Variants in GALNT13 observed in about 807,000 individuals in gnomAD.
The protein encoded by GALNT13 is polypeptide N-acetylgalactosaminyltransferase 13.
In GALNT13, 28 loss-of-function variants were observed where a neutral mutation model predicts 64.2. That is an observed-to-expected ratio of 0.44 (90% confidence interval 0.32 to 0.60). The LOEUF is 0.60. Among genes scored for constraint, GALNT13 ranks in the 20% least tolerant of loss-of-function variants. The pLI, the probability that GALNT13 is intolerant of heterozygous loss-of-function variation, is 0.05. For synonymous variants in GALNT13, 214 were observed against 224.6 expected (o/e 0.95, Z 0.42); for missense variants, 577 against 669.8 (o/e 0.86, Z 1.53).
At chr2:153,166,289 G>A in the GALNT13 span, among the ~76,000 whole-genome samples, 1 of 152,126 alleles carries the variant, frequency 6.6e-6, no homozygotes, top group Non-Finnish European at 1.5e-5. Flanking sequence ...CCACCTCCAC[G>A]ATTATGTTAT....
chr2:153,970,098 A>G (rs1028644892), intron 3 of GALNT13, among the ~76,000 whole-genome samples: 3 of 152,210 alleles, frequency 2.0e-5, no homozygotes, highest in Admixed American at 1.3e-4. Flanking sequence ...AAACATCGCT[A>G]TGGAGAAGTT....
intron 4 of GALNT13, among the ~76,000 whole-genome samples, chr2:154,232,296 A>G (rs1331499702): frequency 6.6e-6 from 1 of 152,084 alleles, no homozygotes; most frequent in Non-Finnish European, 1.5e-5. Context: ...AATAGTATTG[A>G]TCCTGTCAAT....
chr2:153,123,284 C>T, the GALNT13 span, among the ~76,000 whole-genome samples: 1 of 152,178 alleles, frequency 6.6e-6, no homozygotes, highest in Non-Finnish European at 1.5e-5. Flanking sequence ...GACCTATTGA[C>T]ACCTTAACTT....
At chr2:153,271,357 A>G in the GALNT13 span, among the ~76,000 whole-genome samples, 4 of 152,208 alleles carry the variant, frequency 2.6e-5, no homozygotes, top group East Asian at 1.9e-4. Flanking sequence ...ACATGACTGT[A>G]TATTTAGAAA....
intron 3 of GALNT13, among the ~76,000 whole-genome samples, chr2:154,039,235 A>G (rs897780383): frequency 3.3e-5 from 5 of 151,974 alleles, no homozygotes; most frequent in African/African-American, 1.2e-4. Context: ...GAACTACCAT[A>G]TGATCCAGTA....
At chr2:153,855,848 A>G in the GALNT13 span, among the ~76,000 whole-genome samples, 1 of 152,182 alleles carries the variant, frequency 6.6e-6, no homozygotes, top group South Asian at 2.1e-4. Context: ...TGTTGAATGG[A>G]TGAATAAAAT....
chr2:153,124,887 G>T, the GALNT13 span, among the ~76,000 whole-genome samples: 190 of 152,272 alleles, frequency 1.2e-3, 1 homozygote, highest in African/African-American at 4.4e-3. Flanking sequence ...TTTGCTCCTT[G>T]CTTAATCTAT....
chr2:153,574,828 C>G, the GALNT13 span, among the ~76,000 whole-genome samples: 1 of 151,606 alleles, frequency 6.6e-6, no homozygotes, highest in South Asian at 2.1e-4. Flanking sequence ...AAGCCTCTGT[C>G]TGAAGGATTG....
intron 1 of GALNT13, among the ~76,000 whole-genome samples, chr2:153,879,698 T>C (rs1338918393): frequency 6.6e-6 from 1 of 152,088 alleles, no homozygotes; most frequent in African/African-American, 2.4e-5. Flanking sequence ...AAACTTGAAG[T>C]AGCAGAATTG....
At chr2:153,108,878 T>C in the GALNT13 span, among the ~76,000 whole-genome samples, 2 of 152,168 alleles carry the variant, frequency 1.3e-5, no homozygotes, top group South Asian at 2.1e-4. Flanking sequence ...CATGTGCTGA[T>C]ATAAAGACAT....
chr2:153,719,428 C>T, the GALNT13 span, among the ~76,000 whole-genome samples: 2 of 152,140 alleles, frequency 1.3e-5, no homozygotes, highest in African/African-American at 4.8e-5. Flanking sequence ...TTCAAAGTCC[C>T]TTTGAGAAAA....
intron 4 of GALNT13, among the ~76,000 whole-genome samples, chr2:154,215,521 A>G (rs2105810164): frequency 6.6e-6 from 1 of 152,262 alleles, no homozygotes; most frequent in South Asian, 2.1e-4. Context: ...AAGTATTCTT[A>G]TATTTAATTT....
At chr2:153,474,790 G>A in the GALNT13 span, among the ~76,000 whole-genome samples, 1 of 152,166 alleles carries the variant, frequency 6.6e-6, no homozygotes, top group Non-Finnish European at 1.5e-5. Flanking sequence ...GTCAGATCAA[G>A]CAAGCTTTTA....
the GALNT13 span, among the ~76,000 whole-genome samples, chr2:153,557,059 C>T: frequency 6.6e-6 from 1 of 152,088 alleles, no homozygotes; most frequent in Non-Finnish European, 1.5e-5. Flanking sequence ...AAATTACAGT[C>T]ATGCACCACA....
the GALNT13 span, among the ~76,000 whole-genome samples, chr2:153,221,087 C>T: frequency 6.6e-6 from 1 of 152,178 alleles, no homozygotes; most frequent in African/African-American, 2.4e-5. Flanking sequence ...ACTCCCATGA[C>T]ACACATTTAC....
At chr2:154,417,812 A>G (rs990577717) in intron 11 of GALNT13, among the ~76,000 whole-genome samples, 2 of 151,942 alleles carry the variant, frequency 1.3e-5, no homozygotes, top group Middle Eastern at 3.2e-3. Flanking sequence ...GCGCCCGGCC[A>G]CTTTTAGAAC....
chr2:153,488,328 C>T, the GALNT13 span, among the ~76,000 whole-genome samples: 1 of 152,206 alleles, frequency 6.6e-6, no homozygotes, highest in Non-Finnish European at 1.5e-5. Context: ...ATGTCACATT[C>T]GCACACACTG....
the GALNT13 span, among the ~76,000 whole-genome samples, chr2:153,132,161 A>G: frequency 1.3e-5 from 2 of 152,180 alleles, no homozygotes. Context: ...GAGAGGACCA[A>G]TACCAGCTCA....
chr2:153,694,129 C>G, the GALNT13 span, among the ~76,000 whole-genome samples: 1 of 152,030 alleles, frequency 6.6e-6, no homozygotes, highest in Non-Finnish European at 1.5e-5. Context: ...AACAAAAAAG[C>G]AATCGTGAAA....
Sources: gnomAD v4.1 joint callset for allele counts (sites outside exome capture counted in the v4.1 genomes callset) on GRCh38, gnomAD v4.1.1 for gene constraint, MANE v1.5 for transcripts, NCBI Gene and HGNC (gene_info 2026-07-23, HGNC 2026-07-21) for gene names.